Variants in AGAP9 observed in about 807,000 individuals in gnomAD.
AGAP9 encodes the protein arf-GAP with GTPase, ANK repeat and PH domain-containing protein 9.
In AGAP9, 23 loss-of-function variants were observed where a neutral mutation model predicts 55.6. The ratio of observed to expected loss-of-function variants is 0.41; its 90% CI spans 0.30 to 0.59. The LOEUF is 0.59. Ranked by LOEUF, AGAP9 falls within the 20% of genes least tolerant of loss-of-function variation. The pLI is 0.25. For missense variants in AGAP9, 309 were observed against 808.1 expected, an observed-to-expected ratio of 0.38 and a Z score of 7.49; for synonymous variants, 120 against 305.0, an observed-to-expected ratio of 0.39 and a Z score of 6.32.
intron 7 of AGAP9, among the ~76,000 whole-genome samples, chr10:47,503,818 C>T (rs1840410255): frequency 8.1e-6 from 1 of 123,546 alleles, no homozygotes; most frequent in African/African-American, 3.4e-5. Flanking sequence ...CCTGTAATTC[C>T]AGTTACTCGG....
chr10:47,519,491 T>A, intron 3 of AGAP9, among the ~76,000 whole-genome samples: 1 of 119,876 alleles, frequency 8.3e-6, no homozygotes, highest in Non-Finnish European at 1.7e-5. Flanking sequence ...AAAAAGAGTG[T>A]GGTACCTTCC....
At position 47,503,063 on chromosome 10, in the gene AGAP9, A is replaced by G; in HGVS notation, c.1066T>C (p.Ser356Pro). Residue 356 changes from serine to proline, a missense_variant, in exon 8 of 8, where the codon TCC (serine) becomes CCC (proline). By Grantham distance (74) the Ser-to-Pro change is moderately conservative. Coordinates refer to ENST00000452145, the MANE Select transcript of AGAP9 (RefSeq NM_001190810.1). ...GATAGGCCATTGCTTTTAGAGCTGG[A>G]GATGGGTGCACAGGCTGATGTGGCT... ...SLATSACAPI[S>P]SSKSNGLSKD... 1.2e-6 allele frequency: 2 copies of G among 1,611,036 alleles called. No homozygotes were observed. Among genetic ancestry groups the G allele is most frequent in the South Asian group, 2.2e-5 (2 of 90,978 alleles).
At position 47,502,255 on chromosome 10, in the gene AGAP9, C is replaced by T; in HGVS notation, c.1874G>A (p.Cys625Tyr). ...GCGGCAGGCCAGATGGAGTGCCGTG[C>T]AGCCGTCTCCCTCCCCACAGGTCTC... ...VNETCGEGDG[C>Y]TALHLACRKG... The change falls in exon 8 of 8, where the codon TGC (cysteine) becomes TAC (tyrosine). Residue 625 changes from cysteine (C) to tyrosine (Y), a missense_variant. Cys to Tyr is a radical substitution (Grantham distance 194). Coordinates refer to ENST00000452145, the MANE Select transcript of AGAP9 (RefSeq NM_001190810.1). The T allele has an allele frequency of 6.3e-6, 10 of 1,595,338 alleles. No homozygotes were observed. The highest frequency in any genetic ancestry group is 8.5e-6 in the Non-Finnish European group (10 of 1,174,858).
At chr10:47,509,640 G>A (rs1315206706) in intron 5 of AGAP9, among the ~76,000 whole-genome samples, 2,618 of 122,282 alleles carry the variant, frequency 0.021, 2 homozygotes, top group African/African-American at 0.087. Flanking sequence ...TACACTGGAC[G>A]GCCCCTGTGG....
In AGAP9 at chr10:47,502,202, G is replaced by A. The variant is rs1236929993; in HGVS notation, c.1927C>T (p.Leu643=). The A allele has an allele frequency of 9.7e-6, 15 of 1,541,384 alleles. 3 individuals are homozygous for A. In the African/African-American group the frequency reaches 1.7e-4, roughly 18 times the overall value. The change falls in exon 8 of 8, where the codon CTG becomes TTG. Residue 643 remains leucine, a synonymous_variant. Transcript: ENST00000452145. ...RKGNVVLEQL[L]TGWTSWPEMP... ...TCGGGCCATGACGTCCACCCCGTCA[G>A]GAGCTGCTCCAGGACCACATTCCCC...
At chr10:47,506,787 G>A (rs1237501697) in intron 6 of AGAP9, among the ~76,000 whole-genome samples, 9 of 143,804 alleles carry the variant, frequency 6.3e-5, no homozygotes, top group East Asian at 2.7e-4. Flanking sequence ...CTACAGGTGC[G>A]TGCCACCATG....
chr10:47,510,244 A>G lies in AGAP9; in HGVS notation c.424T>C (p.Tyr142His), dbSNP rs1456759429. 26 of 1,417,112 alleles carry G rather than the reference A, an allele frequency of 1.8e-5. 1 individual carries two copies. The highest frequency in any genetic ancestry group is 2.4e-5 in the Non-Finnish European group (25 of 1,060,424). The allele number at this position is 1,417,112 out of a possible 1,614,324, so 87.8% of individuals were successfully genotyped here. A position where few individuals can be genotyped will look rare whatever the true frequency, so the allele number is the denominator to read the frequency against. The stretch of plus-strand genomic sequence containing the variant: ...AGGAATATTGTCGAACACGAGCTGT[A>G]TTGTTGACTGAAACGCTCAGTAGAT... ...HVSTERFSQQYSSCSTIFLDD... is the reference protein window; with the variant it reads ...HVSTERFSQQHSSCSTIFLDD... The change falls in exon 5 of 8, where the codon TAC (tyrosine) becomes CAC (histidine). Residue 142 changes from tyrosine to histidine, a missense_variant. By Grantham distance (83) the Tyr-to-His change is moderately conservative (BLOSUM62 2). Transcript: ENST00000452145.
chr10:47,521,515 A>G (rs1162845364), intron 2 of AGAP9, among the ~76,000 whole-genome samples: 1 of 140,766 alleles, frequency 7.1e-6, no homozygotes, highest in Non-Finnish European at 1.5e-5. Context: ...TAGAAGAGCT[A>G]TAAGACATTT....
At chr10:47,503,832 G>A (rs1248069233) in intron 7 of AGAP9, among the ~76,000 whole-genome samples, 4 of 120,170 alleles carry the variant, frequency 3.3e-5, no homozygotes, top group Non-Finnish European at 5.0e-5. Flanking sequence ...TACTCGGGAG[G>A]CTGAGGCAGG....
chr10:47,518,835 C>A lies in AGAP9; in HGVS notation c.362-978G>T, dbSNP rs1321457941. Reference sequence around the variant, plus strand: ...ATAAAAGCCCCAAGAGGGACTTGGGCCATGCTTTGTTTCCTACACTGCCTC... The same window carrying A: ...ATAAAAGCCCCAAGAGGGACTTGGGACATGCTTTGTTTCCTACACTGCCTC... On this transcript the variant is annotated intron_variant, in intron 3 of 7. Transcript: ENST00000452145. Among the ~76,000 whole-genome samples, 2 of 129,344 alleles carry A rather than the reference C, an allele frequency of 1.5e-5. 1 individual carries two copies. The highest frequency in any genetic ancestry group is 6.2e-5 in the African/African-American group (2 of 32,484). 84.9% of individuals were successfully genotyped at this position (129,344 alleles called of 152,430 possible).
At chr10:47,505,895 G>T (rs1179086460) in intron 6 of AGAP9, among the ~76,000 whole-genome samples, 3 of 133,208 alleles carry the variant, frequency 2.3e-5, no homozygotes, top group African/African-American at 8.3e-5. Flanking sequence ...GTGAGAGGTT[G>T]TCACTTCAAG....
rs1288371774 is a variant in AGAP9 at position 47,515,807 on chromosome 10, T to C, written c.396+2016A>G. On this transcript the variant is annotated intron_variant, in intron 4 of 7. Transcript: ENST00000452145. ...CAGTAAAGATCCCCAGATAATACAC[T>C]GAGGTCTCCCAAATGAAAAGCTAGT... Among the ~76,000 whole-genome samples the C allele has an allele frequency of 7.2e-4, 93 of 128,502 alleles. 5 individuals carry two copies. The highest frequency in any genetic ancestry group is 4.6e-3 in the South Asian group (18 of 3,900). The allele number at this position is 128,502 out of a possible 152,430, so 84.3% of individuals were successfully genotyped here.
At chr10:47,506,919 G>A (rs1256304548) in intron 6 of AGAP9, among the ~76,000 whole-genome samples, 1 of 134,314 alleles carries the variant, frequency 7.4e-6, no homozygotes, top group Admixed American at 7.9e-5. Context: ...GATTACAGGC[G>A]TGAGCCACTG....
At chr10:47,503,936 TCAAAAAA>T (rs1324722640) in intron 7 of AGAP9, among the ~76,000 whole-genome samples, 25 of 12,902 alleles carry the variant, frequency 1.9e-3, no homozygotes, top group East Asian at 0.01. Context: ...AGAGAGTCCA[TCAAAAAA>T]AAAAAAAAAA....
chr10:47,517,304 G>A (rs1433925236), intron 4 of AGAP9, among the ~76,000 whole-genome samples: 1 of 75,862 alleles, frequency 1.3e-5, no homozygotes, highest in Non-Finnish European at 2.3e-5. Flanking sequence ...ACAGAGTTTC[G>A]CTCTGTCGCC....
intron 5 of AGAP9, among the ~76,000 whole-genome samples, chr10:47,509,201 T>C: frequency 7.9e-6 from 1 of 126,190 alleles, no homozygotes; most frequent in African/African-American, 3.4e-5. Context: ...TCAAAATCTT[T>C]GGAACTCAGA....
At chr10:47,507,639 G>A (rs1311027714) in intron 5 of AGAP9, 56 bp from the exon 6 acceptor site, 1 of 1,526,486 alleles carries the variant, frequency 6.6e-7, no homozygotes, top group Non-Finnish European at 8.8e-7. Flanking sequence ...TAGGCCTGCA[G>A]ACATTTTTTA....
rs1840705060 is a variant in AGAP9, at chr10:47,515,758, T to G, written c.396+2065A>C. Among the ~76,000 whole-genome samples, 2 of 139,354 alleles carry G rather than the reference T, an allele frequency of 1.4e-5. 1 individual carries two copies. The highest frequency in any genetic ancestry group is 5.3e-5 in the African/African-American group (2 of 37,860). The allele number at this position is 139,354 out of a possible 152,430, so 91.4% of individuals were successfully genotyped here. ...TCCAGGCAGAAAATTGGGAGATCCT[T>G]CTCAGAAGAAACTGAAATGTCTTCA... On this transcript the variant is annotated intron_variant, in intron 4 of 7. Coordinates refer to ENST00000452145, the MANE Select transcript of AGAP9 (RefSeq NM_001190810.1).
In AGAP9 at chr10:47,506,309, T is replaced by G. The variant is rs1450880602; in HGVS notation, c.533+1239A>C. ...ACCTTCTACCAACTACATATTTGCA[T>G]GAGGTTAGGTCATCTTATTGCTTCT... On this transcript the variant is annotated intron_variant, in intron 6 of 7. Coordinates refer to ENST00000452145, the MANE Select transcript of AGAP9 (RefSeq NM_001190810.1). Among the ~76,000 whole-genome samples, 2 of 136,684 alleles carry G rather than the reference T, an allele frequency of 1.5e-5. 1 individual carries two copies. The allele number at this position is 136,684 out of a possible 152,430, so 89.7% of individuals were successfully genotyped here. A position where few individuals can be genotyped will look rare whatever the true frequency, so the allele number is the denominator to read the frequency against.
Sources: gnomAD v4.1 joint callset for allele counts (sites outside exome capture counted in the v4.1 genomes callset) on GRCh38, gnomAD v4.1.1 for gene constraint, MANE v1.5 for transcripts, NCBI Gene and HGNC (gene_info 2026-07-23, HGNC 2026-07-21) for gene names.